The following TPMT variants were observed in gnomAD, a reference collection of about 807,000 sequenced individuals.
TPMT encodes the protein S-adenosyl-L-methionine:thiopurine S-methyltransferase.
A neutral mutation model predicts 34.2 loss-of-function variants in TPMT; 18 were observed. The observed-to-expected ratio is 0.53, with a 90% CI of 0.36 to 0.78. The LOEUF is 0.78. Ranked by LOEUF, TPMT falls within the 30% of genes least tolerant of loss-of-function variation. The pLI, the probability that TPMT is intolerant of heterozygous loss-of-function variation, is 0.00. For missense variants in TPMT, 265 were observed against 288.1 expected, an observed-to-expected ratio of 0.92 and a Z score of 0.58; for synonymous variants, 69 against 92.4, an observed-to-expected ratio of 0.75 and a Z score of 1.45.
At chr6:18,151,950 T>C (rs924371631) in intron 1 of TPMT, among the ~76,000 whole-genome samples, 2 of 152,184 alleles carry the variant, frequency 1.3e-5, no homozygotes, top group Non-Finnish European at 2.9e-5. Context: ...CATGCTCAAC[T>C]GTGTATCATA....
intron 6 of TPMT, among the ~76,000 whole-genome samples, chr6:18,137,933 C>A (rs917515970): frequency 9.2e-5 from 14 of 152,228 alleles, no homozygotes; most frequent in African/African-American, 3.4e-4. Context: ...TTACAGGCCA[C>A]CACATTGGGC....
chr6:18,136,946 G>A lies in TPMT; in HGVS notation c.494+2017C>T, dbSNP rs1784052656. On this transcript the variant is annotated intron_variant, in intron 6 of 8. Coordinates refer to ENST00000309983, the MANE Select transcript of TPMT (RefSeq NM_000367.5). The surrounding 1 kb of genome is among the most constrained non-coding windows in gnomAD (Gnocchi z 4.7). Reference sequence around the variant, plus strand: ...GAATCACGACTTTTAGGCATGCAAGGAGGATGGGAGTTCTGGAAAAGAGAT... The same window carrying A: ...GAATCACGACTTTTAGGCATGCAAGAAGGATGGGAGTTCTGGAAAAGAGAT... Among the ~76,000 whole-genome samples, 1 of 152,188 alleles carries A rather than the reference G, an allele frequency of 6.6e-6. No individual in the cohort carries two copies. Among genetic ancestry groups the A allele is most frequent in the Admixed American group, 6.5e-5 (1 of 15,276 alleles).
chr6:18,151,573 G>GATTGATTTATTTATTT (rs1415941448), intron 1 of TPMT, among the ~76,000 whole-genome samples: 1 of 143,286 alleles, frequency 7.0e-6, no homozygotes, highest in Non-Finnish European at 1.5e-5. Context: ...TGGAAACCTA[G>GATTGATTTATTTATTT]ATTTATTTAT....
chr6:18,148,227 T>C lies in TPMT; in HGVS notation c.141-312A>G, dbSNP rs900578396. On this transcript the variant is annotated intron_variant, in intron 2 of 8. Coordinates refer to ENST00000309983, the MANE Select transcript of TPMT (RefSeq NM_000367.5). This position sits in a 1 kb window ranked among gnomAD's most constrained non-coding sequence, Gnocchi z 4.1. ...GGGGGTGATGGAGCCTCTGGAGCCATGGATTTTTCAACATTAATTTCATGG... is the reference window on the plus strand; with the variant it reads ...GGGGGTGATGGAGCCTCTGGAGCCACGGATTTTTCAACATTAATTTCATGG... 6.6e-6 allele frequency among the ~76,000 whole-genome samples: 1 copy of C among 152,148 alleles called. No individual in the cohort carries two copies. Among genetic ancestry groups the C allele is most frequent in the South Asian group, 2.1e-4 (1 of 4,828 alleles).
At chr6:18,147,743 T>G in intron 3 of TPMT, 80 bp downstream of exon 3, 1 of 1,342,536 alleles carries the variant, frequency 7.4e-7, no homozygotes, top group South Asian at 1.2e-5. Flanking sequence ...AATGGAGTTT[T>G]AAAACTCACA....
At position 18,128,718 on chromosome 6, in the gene TPMT, CTTTT is replaced by C. The variant is rs1735216079; in HGVS notation, c.*1946_*1949del. Reference sequence around the variant, plus strand: ...CAGTCAACTTGCCTTTCTTTTTTTTCTTTTCTTTTTCTTTCTTTTGAGACAGAGT... The same window carrying C: ...CAGTCAACTTGCCTTTCTTTTTTTTCCTTTTTCTTTCTTTTGAGACAGAGT... On this transcript the variant is annotated 3_prime_UTR_variant, in exon 9 of 9. Transcript: ENST00000309983. This position sits in a 1 kb window ranked among gnomAD's most constrained non-coding sequence, Gnocchi z 4.6. 3 of 152,020 alleles carry C rather than the reference CTTTT, an allele frequency of 2.0e-5. No individual in the cohort carries two copies. Among genetic ancestry groups the C allele is most frequent in the Non-Finnish European group, 4.4e-5 (3 of 68,312 alleles). The allele number at this position is 152,020 out of a possible 1,614,324, so 9.4% of individuals were successfully genotyped here. A position where few individuals can be genotyped will look rare whatever the true frequency, so the allele number is the denominator to read the frequency against.
rs1252464903 is a variant in TPMT, at chr6:18,136,406, T to C, written c.495-2517A>G. On this transcript the variant is annotated intron_variant, in intron 6 of 8. Transcript: ENST00000309983. The surrounding 1 kb of genome is among the most constrained non-coding windows in gnomAD (Gnocchi z 4.7). ...GTCAGAGCGAATACCATGTATAATC[T>C]GTTCAGTTACTTGCCCCGCCTCTGG... Among the ~76,000 whole-genome samples, 2 of 152,098 alleles carry C rather than the reference T, an allele frequency of 1.3e-5. No individual in the cohort carries two copies. The highest frequency in any genetic ancestry group is 1.5e-5 in the Non-Finnish European group (1 of 68,016).
chr6:18,131,540 T>C lies in TPMT; in HGVS notation c.625+593A>G, dbSNP rs1399942723. On this transcript the variant is annotated intron_variant, in intron 8 of 8. Coordinates refer to ENST00000309983, the MANE Select transcript of TPMT (RefSeq NM_000367.5). The surrounding 1 kb of genome is among the most constrained non-coding windows in gnomAD (Gnocchi z 4.3). ...AGGCTGCAGTGAGCTGTGATTGCAC[T>C]TCTGTACTCCAGCCTGGGTGACAGA... 1.3e-5 allele frequency among the ~76,000 whole-genome samples: 2 copies of C among 152,106 alleles called. No individual in the cohort carries two copies. The highest frequency in any genetic ancestry group is 2.9e-5 in the Non-Finnish European group (2 of 68,026).
In TPMT at chr6:18,130,562, AT is replaced by A; in HGVS notation, c.*105del. ...ATTTTTAGTAAAGATCTATCATATGATTTATAAACAATTTTAAAAATTCATC... is the reference window on the plus strand; with the variant it reads ...ATTTTTAGTAAAGATCTATCATATGATTATAAACAATTTTAAAAATTCATC... On this transcript the variant is annotated 3_prime_UTR_variant, in exon 9 of 9. Coordinates refer to ENST00000309983, the MANE Select transcript of TPMT (RefSeq NM_000367.5). The surrounding 1 kb of genome is among the most constrained non-coding windows in gnomAD (Gnocchi z 4.2). 1.3e-6 allele frequency: 1 copy of A among 795,854 alleles called. No individual in the cohort carries two copies. The highest frequency in any genetic ancestry group is 1.6e-5 in the South Asian group (1 of 63,558). The allele number at this position is 795,854 out of a possible 1,614,324, so 49.3% of individuals were successfully genotyped here.
In TPMT at chr6:18,140,047, C is replaced by T. The variant is rs1784113785; in HGVS notation, c.367-330G>A. Among the ~76,000 whole-genome samples the T allele has an allele frequency of 6.6e-6, 1 of 152,180 alleles. No homozygotes were observed. The highest frequency in any genetic ancestry group is 2.4e-5 in the African/African-American group (1 of 41,444). ...TTTTACTCTGCTAAAGATAAATCTG[C>T]AGGTCAACCAATTATCAGGCAGGGT... On this transcript the variant is annotated intron_variant, in intron 4 of 8. Transcript: ENST00000309983. This position sits in a 1 kb window ranked among gnomAD's most constrained non-coding sequence, Gnocchi z 4.7.
At position 18,140,974 on chromosome 6, in the gene TPMT, G is replaced by A. The variant is rs892157732; in HGVS notation, c.367-1257C>T. ...GGAAGGGTCTTTGACAACCAGCCTG[G>A]GATCACTGGGTCAGCCCAGAGATGG... On this transcript the variant is annotated intron_variant, in intron 4 of 8. Transcript: ENST00000309983. The surrounding 1 kb of genome is among the most constrained non-coding windows in gnomAD (Gnocchi z 4.7). Among the ~76,000 whole-genome samples the A allele has an allele frequency of 6.6e-6, 1 of 152,152 alleles. No homozygotes were observed. The highest frequency in any genetic ancestry group is 1.5e-5 in the Non-Finnish European group (1 of 68,040).
rs1451793211 is a variant in TPMT, at chr6:18,135,005, G to A, written c.495-1116C>T. Among the ~76,000 whole-genome samples the A allele has an allele frequency of 6.6e-6, 1 of 152,198 alleles. No individual in the cohort carries two copies. The highest frequency in any genetic ancestry group is 1.5e-5 in the Non-Finnish European group (1 of 68,028). On this transcript the variant is annotated intron_variant, in intron 6 of 8. Coordinates refer to ENST00000309983, the MANE Select transcript of TPMT (RefSeq NM_000367.5). The surrounding 1 kb of genome is among the most constrained non-coding windows in gnomAD (Gnocchi z 5.0). ...GGTCTGCCAGAAGTTGGGGAGGCAA[G>A]TGCAGACTCTATGAGATGCCCAGGC...
At position 18,133,837 on chromosome 6, in the gene TPMT, A is replaced by G. The variant is rs113525437; in HGVS notation, c.547T>C (p.Cys183Arg). ...TTAGTTGGATCATAAGAAAGAACAC[A>G]CAGGAGATACTGAAACTTCTTTCCC... is the stretch of plus-strand genomic sequence containing the variant. ...LLGKKFQYLL[C>R]VLSYDPTKHP... is the part of the protein sequence containing the mutation. Residue 183 changes from cysteine to arginine, a missense_variant, in exon 7 of 9, where the codon TGT becomes CGT. Coordinates refer to ENST00000309983, the MANE Select transcript of TPMT (RefSeq NM_000367.5). 6.2e-7 allele frequency: 1 copy of G among 1,613,736 alleles called. No homozygotes were observed. Among genetic ancestry groups the G allele is most frequent in the Non-Finnish European group, 8.5e-7 (1 of 1,179,912 alleles).
chr6:18,147,723 ATTTCCTGAAAATGGAGT>A, intron 3 of TPMT, 83 bp downstream of exon 3: 3 of 1,078,044 alleles, frequency 2.8e-6, no homozygotes, highest in Non-Finnish European at 4.3e-6. Context: ...ATTTCTGTGT[ATTTCCTGAAAATGGAGT>A]TTTAAAACTC....
chr6:18,136,328 G>A lies in TPMT; in HGVS notation c.495-2439C>T, dbSNP rs1282712789. ...CATGGGAAGTGCAAAGCAGACACTG[G>A]ACATGTGATGTGGATGTTTGGGAGA... On this transcript the variant is annotated intron_variant, in intron 6 of 8. Transcript: ENST00000309983. This position sits in a 1 kb window ranked among gnomAD's most constrained non-coding sequence, Gnocchi z 4.7. Among the ~76,000 whole-genome samples the A allele has an allele frequency of 2.0e-5, 3 of 152,078 alleles. No homozygotes were observed. Among genetic ancestry groups the A allele is most frequent in the African/African-American group, 7.2e-5 (3 of 41,424 alleles).
In TPMT at chr6:18,143,769, A is replaced by G. The variant is rs759747334; in HGVS notation, c.234-41T>C. 6.2e-7 allele frequency: 1 copy of G among 1,611,002 alleles called. No homozygotes were observed. The highest frequency in any genetic ancestry group is 2.2e-5 in the East Asian group (1 of 44,758). On this transcript the variant is annotated intron_variant, in intron 3 of 8. Coordinates refer to ENST00000309983, the MANE Select transcript of TPMT (RefSeq NM_000367.5). The surrounding 1 kb of genome is among the most constrained non-coding windows in gnomAD (Gnocchi z 6.1). ...CATTTACACTTAAATTATGTTTTCAAATGACTAAATAGAGGGTTATATTAG... is the reference window on the plus strand; with the variant it reads ...CATTTACACTTAAATTATGTTTTCAGATGACTAAATAGAGGGTTATATTAG...
rs563753080 is a variant in TPMT, at chr6:18,150,620, G to A, written c.-44-1449C>T. ...TTTGTTGTTATTTTTTAGTGACCAC[G>A]CTTATATTGGTGAAGCCTAACCTCC... On this transcript the variant is annotated intron_variant, in intron 1 of 8. Transcript: ENST00000309983. This position sits in a 1 kb window ranked among gnomAD's most constrained non-coding sequence, Gnocchi z 5.3. 6.6e-6 allele frequency among the ~76,000 whole-genome samples: 1 copy of A among 152,166 alleles called. No individual in the cohort carries two copies. Among genetic ancestry groups the A allele is most frequent in the East Asian group, 1.9e-4 (1 of 5,190 alleles).
chr6:18,141,599 C>CA (rs1784143138), intron 4 of TPMT, among the ~76,000 whole-genome samples: 1 of 152,092 alleles, frequency 6.6e-6, no homozygotes, highest in Non-Finnish European at 1.5e-5. Context: ...CTTGGCCACC[C>CA]AAAGTGCTGG....
chr6:18,148,092 G>A lies in TPMT; in HGVS notation c.141-177C>T, dbSNP rs1784281302. On this transcript the variant is annotated intron_variant, in intron 2 of 8. Coordinates refer to ENST00000309983, the MANE Select transcript of TPMT (RefSeq NM_000367.5). This position sits in a 1 kb window ranked among gnomAD's most constrained non-coding sequence, Gnocchi z 4.1. The stretch of plus-strand genomic sequence containing the variant: ...TGCTCAGACACACACCCAGTCAGTG[G>A]TAAATCTGACTTACACCCAGGGCTT... 6.6e-6 allele frequency among the ~76,000 whole-genome samples: 1 copy of A among 152,154 alleles called. No homozygotes were observed. The highest frequency in any genetic ancestry group is 1.5e-5 in the Non-Finnish European group (1 of 68,024).
Sources: allele counts gnomAD v4.1 joint callset (sites outside exome capture counted in the v4.1 genomes callset), GRCh38; gene constraint gnomAD v4.1.1; non-coding constraint Gnocchi (gnomAD v3.1); transcripts MANE v1.5; gene names NCBI Gene and HGNC (gene_info 2026-07-23, HGNC 2026-07-21).